The following NQO1 variants were observed in gnomAD, a reference collection of about 807,000 sequenced individuals.
NQO1 encodes NAD(P)H dehydrogenase [quinone] 1.
Under a neutral mutation model 32.1 loss-of-function variants are expected in NQO1, and 30 were observed. The ratio of observed to expected loss-of-function variants is 0.94; its 90% CI spans 0.70 to 1.27. The LOEUF (loss-of-function observed/expected upper bound fraction) is 1.27, where lower values mean the gene tolerates loss of function less well. Among genes scored for constraint, NQO1 ranks in the 50% most tolerant of loss-of-function variants. The pLI is 0.00. For missense variants in NQO1, 276 were observed against 331.3 expected (o/e 0.83, Z 1.30); for synonymous variants, 109 against 119.7 (o/e 0.91, Z 0.59).
chr16:69,721,713 G>A (rs2038193377), intron 1 of NQO1, among the ~76,000 whole-genome samples: 1 of 151,726 alleles, frequency 6.6e-6, no homozygotes, highest in Non-Finnish European at 1.5e-5. Context: ...ACAGAGAGTG[G>A]CTGGGCGTGG....
rs1033737783 is a variant in NQO1 at position 69,718,372 on chromosome 16, G to C, written c.170C>G (p.Thr57Arg). The change falls in exon 2 of 6, where the codon ACA (threonine) becomes AGA (arginine). Residue 57 changes from threonine to arginine, a missense_variant and splice_region_variant. Physicochemically the swap from Thr to Arg is moderately conservative, Grantham distance 71. Transcript: ENST00000320623. ...FNPIISRKDI[T>R]GKLKDPANFQ... ...AGGGGAGGAGGAACTCCTCCTACCT[G>C]TGATGTCCTTTCTGGAAATGATGGG... 11 of 1,614,198 alleles carry C rather than the reference G, an allele frequency of 6.8e-6. No homozygotes were observed. The highest frequency in any genetic ancestry group is 9.3e-6 in the Non-Finnish European group (11 of 1,180,026).
Position 69,715,067 on chromosome 16 carries a change from T to C in NQO1, c.314A>G (p.Gln105Arg). The change falls in exon 4 of 6, where the codon CAG (glutamine) becomes CGG (arginine). Residue 105 changes from glutamine to arginine, a missense_variant. Gln to Arg is a conservative substitution (Grantham distance 43). Coordinates refer to ENST00000320623, the MANE Select transcript of NQO1 (RefSeq NM_000903.3). ...CAGAATGGCAGGGACTCCAAACCAC[T>C]GCAGGGGGAACTGTGGGACAGAAGA... Reference protein sequence around the residue: ...ADLVIFQFPLQWFGVPAILKG... With the variant: ...ADLVIFQFPLRWFGVPAILKG... The C allele has an allele frequency of 6.2e-7, 1 of 1,612,990 alleles. No individual in the cohort carries two copies. The highest frequency in any genetic ancestry group is 8.5e-7 in the Non-Finnish European group (1 of 1,179,248).
At chr16:69,712,051 G>C (rs1221580222) in intron 5 of NQO1, among the ~76,000 whole-genome samples, 1 of 152,018 alleles carries the variant, frequency 6.6e-6, no homozygotes, top group Non-Finnish European at 1.5e-5. Flanking sequence ...CCCACCCCAG[G>C]CTTCAGTTTT....
At chr16:69,716,572 G>A (rs186513405) in intron 3 of NQO1, among the ~76,000 whole-genome samples, 31 of 152,182 alleles carry the variant, frequency 2.0e-4, no homozygotes, top group South Asian at 1.5e-3. Flanking sequence ...AGGTTCATCA[G>A]GGACTTCCCA....
rs771494456 is a variant in NQO1, at chr16:69,712,786, T to C, written c.519+242A>G. On this transcript the variant is annotated intron_variant, in intron 5 of 5. Coordinates refer to ENST00000320623, the MANE Select transcript of NQO1 (RefSeq NM_000903.3). Reference sequence around the variant, plus strand: ...TTGGGAGGCTGAGGCAGGAGAATCATTTGAGGTCAAGTGTTTGAAACCAGC... The same window carrying C: ...TTGGGAGGCTGAGGCAGGAGAATCACTTGAGGTCAAGTGTTTGAAACCAGC... Among the ~76,000 whole-genome samples, 3 of 151,974 alleles carry C rather than the reference T, an allele frequency of 2.0e-5. No homozygotes were observed. The highest frequency in any genetic ancestry group is 4.2e-4 in the South Asian group (2 of 4,812).
chr16:69,726,170 A>G (rs1437491249), intron 1 of NQO1, among the ~76,000 whole-genome samples: 1 of 152,118 alleles, frequency 6.6e-6, no homozygotes, highest in East Asian at 1.9e-4. Flanking sequence ...TTTGGAGGGA[A>G]TTTCTGCTTC....
chr16:69,710,769 C>G lies in NQO1; in HGVS notation c.*207G>C. ...CTTTCCCTAAGTGGCCTCTTGAGCC[C>G]AGTCGGATTTTGGTTATATGCCATG... On this transcript the variant is annotated 3_prime_UTR_variant, in exon 6 of 6. Transcript: ENST00000320623. 1 of 582,734 alleles carries G rather than the reference C, an allele frequency of 1.7e-6. No individual in the cohort carries two copies. The highest frequency in any genetic ancestry group is 3.3e-5 in the Admixed American group (1 of 30,378). The allele number at this position is 582,734 out of a possible 1,614,324, so 36.1% of individuals were successfully genotyped here.
intron 1 of NQO1, among the ~76,000 whole-genome samples, chr16:69,721,396 A>G (rs1053443747): frequency 6.6e-6 from 1 of 151,540 alleles, no homozygotes; most frequent in Admixed American, 6.6e-5. Context: ...TCCACCTTCT[A>G]CCTCCCACCG....
At chr16:69,715,758 A>T (rs2038104436) in intron 3 of NQO1, among the ~76,000 whole-genome samples, 1 of 152,118 alleles carries the variant, frequency 6.6e-6, no homozygotes, top group Non-Finnish European at 1.5e-5. Flanking sequence ...ACAGAGTGAG[A>T]CCCCATCGTG....
chr16:69,715,152 C>T (rs914220982), intron 3 of NQO1, 75 bp from the exon 4 acceptor site: 5 of 1,046,510 alleles, frequency 4.8e-6, no homozygotes, highest in Admixed American at 1.7e-5. Context: ...AGTGCTGAGC[C>T]GCTCCCCATG....
chr16:69,726,318 C>T, intron 1 of NQO1, 115 bp downstream of exon 1: 1 of 1,444,944 alleles, frequency 6.9e-7, no homozygotes, highest in Non-Finnish European at 9.4e-7. Context: ...AATCTCTTCC[C>T]TTTGTGGGTT....
At chr16:69,716,753 C>T (rs890405043) in intron 3 of NQO1, among the ~76,000 whole-genome samples, 2 of 152,002 alleles carry the variant, frequency 1.3e-5, no homozygotes, top group Non-Finnish European at 1.5e-5. Flanking sequence ...AGTTTGAGAC[C>T]AGCCTGGGCA....
intron 1 of NQO1, among the ~76,000 whole-genome samples, chr16:69,725,136 G>A (rs1351614717): frequency 6.6e-6 from 1 of 152,196 alleles, no homozygotes; most frequent in Non-Finnish European, 1.5e-5. Flanking sequence ...GTCTCTGCCA[G>A]TAACTCATGC....
intron 5 of NQO1, among the ~76,000 whole-genome samples, chr16:69,712,197 A>C (rs2038050619): frequency 6.7e-6 from 1 of 149,952 alleles, no homozygotes; most frequent in Admixed American, 6.7e-5. Flanking sequence ...CTCACTTTAG[A>C]CTCCCAAGTA....
intron 4 of NQO1, among the ~76,000 whole-genome samples, chr16:69,713,888 G>GTTTTTTTTT (rs376877333): frequency 1.5e-5 from 2 of 130,132 alleles, no homozygotes; most frequent in Admixed American, 8.4e-5. Flanking sequence ...TTTTGTTTTT[G>GTTTTTTTTT]TTTTTGATAT....
Position 69,721,363 on chromosome 16 carries a change from C to A in NQO1, c.8-2829G>T, listed in dbSNP as rs1291355636. ...AAGGCCCTCATAAAAGAGGCTTCGC[C>A]CAGCACGGGGCTCACCTGCCCTTCC... On this transcript the variant is annotated intron_variant, in intron 1 of 5. Transcript: ENST00000320623. 5.3e-5 allele frequency among the ~76,000 whole-genome samples: 8 copies of A among 152,272 alleles called. No individual in the cohort carries two copies. In the South Asian group the frequency reaches 1.5e-3, roughly 28 times the overall value.
chr16:69,716,264 G>T (rs1234755975), intron 3 of NQO1, among the ~76,000 whole-genome samples: 1 of 151,744 alleles, frequency 6.6e-6, no homozygotes, highest in East Asian at 1.9e-4. Flanking sequence ...GGAGGCCAAG[G>T]TGGGTGGATC....
chr16:69,721,831 C>CAAA lies in NQO1; in HGVS notation c.8-3300_8-3298dup, dbSNP rs11325347. ...TAACATGGAGAAACCCCGTTTCTAC[C>CAAA]AAAAAAAAAAAAAAAAAAAAAATTA... On this transcript the variant is annotated intron_variant, in intron 1 of 5. Coordinates refer to ENST00000320623, the MANE Select transcript of NQO1 (RefSeq NM_000903.3). 9.7e-3 allele frequency among the ~76,000 whole-genome samples: 937 copies of CAAA among 97,044 alleles called. 8 individuals are homozygous for CAAA. The highest frequency in any genetic ancestry group is 0.027 in the African/African-American group (680 of 25,038). 63.7% of individuals were successfully genotyped at this position (97,044 alleles called of 152,430 possible).
At chr16:69,722,650 A>C (rs2038207994) in intron 1 of NQO1, among the ~76,000 whole-genome samples, 1 of 152,188 alleles carries the variant, frequency 6.6e-6, no homozygotes. Context: ...GGATTTCCAA[A>C]CTTGGTCCTA....
Sources: gnomAD v4.1 joint callset for allele counts (sites outside exome capture counted in the v4.1 genomes callset) on GRCh38, gnomAD v4.1.1 for gene constraint, MANE v1.5 for transcripts, NCBI Gene and HGNC (gene_info 2026-07-23, HGNC 2026-07-21) for gene names.